TNNI3K: variants seen among roughly 807,000 people sequenced by gnomAD.
TNNI3K encodes the protein serine/threonine-protein kinase TNNI3K.
A neutral mutation model predicts 114.5 loss-of-function variants in TNNI3K; 140 were observed. That is an observed-to-expected ratio of 1.22 (90% CI 1.07 to 1.41). TNNI3K has a LOEUF of 1.41. TNNI3K is among the 40% of genes most tolerant of loss of function. The pLI, the probability that TNNI3K is intolerant of heterozygous loss-of-function variation, is 0.00. For synonymous variants in TNNI3K, 347 were observed against 347.5 expected, an observed-to-expected ratio of 1.00 and a Z score of 0.02; for missense variants, 1,125 against 1,007.6, an observed-to-expected ratio of 1.12 and a Z score of -1.58.
At chr1:74,330,590 A>G (rs1363135984) in intron 5 of TNNI3K, among the ~76,000 whole-genome samples, 1 of 152,164 alleles carries the variant, frequency 6.6e-6, no homozygotes, top group African/African-American at 2.4e-5. Context: ...ATCACTGAGT[A>G]GTCCCATTTA....
intron 17 of TNNI3K, chr1:74,377,312 G>A (rs1355709803): frequency 1.3e-5 from 2 of 151,930 alleles, no homozygotes; most frequent in Non-Finnish European, 2.9e-5. Flanking sequence ...AGTAATGAAT[G>A]TCAAAGACAG....
intron 23 of TNNI3K, among the ~76,000 whole-genome samples, chr1:74,523,523 G>A (rs887883935): frequency 6.6e-6 from 1 of 151,722 alleles, no homozygotes; most frequent in Non-Finnish European, 1.5e-5. Context: ...AAAAAAAAAG[G>A]CCTCAAAGTT....
intron 5 of TNNI3K, among the ~76,000 whole-genome samples, chr1:74,316,411 C>A (rs1659304262): frequency 6.6e-6 from 1 of 152,270 alleles, no homozygotes; most frequent in South Asian, 2.1e-4. Flanking sequence ...CAAAAGAACT[C>A]ATTTCCTTTC....
intron 4 of TNNI3K, among the ~76,000 whole-genome samples, chr1:74,256,283 CTTTTTTTTTTTTTTTTTTT>C (rs61636791): frequency 0.03 from 1,303 of 42,906 alleles, 74 homozygotes; most frequent in Admixed American, 0.2. Context: ...TGTGGTCAGT[CTTTTTTTTTTTTTTTTTTT>C]TTTTTTTTTT....
chr1:74,338,031 A>G (rs1660564562), intron 7 of TNNI3K, among the ~76,000 whole-genome samples: 1 of 152,026 alleles, frequency 6.6e-6, no homozygotes, highest in Non-Finnish European at 1.5e-5. Flanking sequence ...TTGTGGACAT[A>G]TATGTTCATC....
chr1:74,401,297 A>G (rs547039729), intron 17 of TNNI3K, among the ~76,000 whole-genome samples: 1 of 152,290 alleles, frequency 6.6e-6, no homozygotes, highest in Non-Finnish European at 1.5e-5. Flanking sequence ...GCAATGTTCT[A>G]AAGCTTTTTT....
intron 11 of TNNI3K, among the ~76,000 whole-genome samples, chr1:74,365,571 A>AC (rs1662226646): frequency 6.6e-6 from 1 of 152,092 alleles, no homozygotes; most frequent in Non-Finnish European, 1.5e-5. Context: ...CAAATCTGAT[A>AC]CCACTCTCAT....
At chr1:74,250,903 A>G (rs1654891644) in intron 4 of TNNI3K, 134 bp downstream of exon 4, 5 of 675,898 alleles carry the variant, frequency 7.4e-6, no homozygotes, top group Non-Finnish European at 1.1e-5. Flanking sequence ...TTACTAAAGG[A>G]CTTCTTTCTC....
chr1:74,444,834 A>C (rs1451401788), intron 20 of TNNI3K, among the ~76,000 whole-genome samples: 1 of 151,892 alleles, frequency 6.6e-6, no homozygotes, highest in South Asian at 2.1e-4. Context: ...AAAAAAAGAC[A>C]CATAGACCAA....
intron 17 of TNNI3K, among the ~76,000 whole-genome samples, chr1:74,390,023 G>A (rs1352255761): frequency 6.6e-6 from 1 of 152,100 alleles, no homozygotes; most frequent in Non-Finnish European, 1.5e-5. Flanking sequence ...TGATATTAGA[G>A]GCATTTGAAA....
chr1:74,248,408 G>T (rs142781262), intron 2 of TNNI3K, among the ~76,000 whole-genome samples: 1 of 152,182 alleles, frequency 6.6e-6, no homozygotes, highest in Non-Finnish European at 1.5e-5. Flanking sequence ...AGTTGGCACC[G>T]TGGCCTGAGG....
intron 5 of TNNI3K, among the ~76,000 whole-genome samples, chr1:74,292,813 CTGTTTAT>C (rs910496653): frequency 1.3e-5 from 2 of 151,066 alleles, no homozygotes; most frequent in Non-Finnish European, 3.0e-5. Flanking sequence ...GTAGATCTTG[CTGTTTAT>C]TGTTGTAGTT....
chr1:74,487,797 T>G (rs1343414621), intron 21 of TNNI3K, among the ~76,000 whole-genome samples: 1 of 152,168 alleles, frequency 6.6e-6, no homozygotes, highest in Admixed American at 6.5e-5. Context: ...TGTTTTGTTT[T>G]AAGTGGTAAA....
intron 23 of TNNI3K, 150 bp downstream of exon 23, chr1:74,492,416 G>A: frequency 9.0e-7 from 1 of 1,106,098 alleles, no homozygotes; most frequent in Non-Finnish European, 1.2e-6. Flanking sequence ...CTTACGTTAT[G>A]ACTAAAAATT....
intron 17 of TNNI3K, among the ~76,000 whole-genome samples, chr1:74,434,973 T>C (rs1196875245): frequency 6.6e-6 from 1 of 151,994 alleles, no homozygotes; most frequent in Admixed American, 6.6e-5. Flanking sequence ...TTTTTCTTGT[T>C]TTGACCATGA....
At chr1:74,464,875 TA>T in intron 21 of TNNI3K, 1 of 1,327,328 alleles carries the variant, frequency 7.5e-7, no homozygotes, top group Non-Finnish European at 9.6e-7. Flanking sequence ...CACTAACATC[TA>T]AAGCTGGATG....
In TNNI3K at chr1:74,501,474, G is replaced by GTGCTTGTT. The variant is rs1553153396; in HGVS notation, c.2351+9210_2351+9211insCTTGTTTG. Among the ~76,000 whole-genome samples, 54 of 149,820 alleles carry GTGCTTGTT rather than the reference G, an allele frequency of 3.6e-4. 1 individual carries two copies. Among genetic ancestry groups the GTGCTTGTT allele is most frequent in the Admixed American group, 3.6e-3 (54 of 14,988 alleles). On this transcript the variant is annotated intron_variant, in intron 23 of 24. Transcript: ENST00000326637. ...CAACTTGGAGGGTTTTTTTTGTTTT[G>GTGCTTGTT]TGTTTGTTTGTTTGTTTGTTTGTTT... is the stretch of plus-strand genomic sequence containing the variant.
intron 5 of TNNI3K, among the ~76,000 whole-genome samples, chr1:74,283,544 CTT>C (rs1657142056): frequency 6.6e-6 from 1 of 152,082 alleles, no homozygotes; most frequent in African/African-American, 2.4e-5. Context: ...GCAAGAAAAG[CTT>C]TATAGGCTAA....
intron 5 of TNNI3K, among the ~76,000 whole-genome samples, chr1:74,324,228 G>A (rs188538530): frequency 6.6e-6 from 1 of 152,194 alleles, no homozygotes; most frequent in African/African-American, 2.4e-5. Flanking sequence ...AGACCTCCTT[G>A]TGGCTCTTAT....
Sources: gnomAD v4.1 joint callset for allele counts (sites outside exome capture counted in the v4.1 genomes callset) on GRCh38, gnomAD v4.1.1 for gene constraint, MANE v1.5 for transcripts, NCBI Gene and HGNC (gene_info 2026-07-23, HGNC 2026-07-21) for gene names.